The following RAB11FIP5 variants were observed in gnomAD, a reference collection of about 807,000 sequenced individuals.
RAB11FIP5 encodes RAB11 family interacting protein 5, also known as rab11 family-interacting protein 5.
Under a neutral mutation model 85.1 loss-of-function variants are expected in RAB11FIP5, and 48 were observed. The observed-to-expected ratio is 0.56, with a 90% CI of 0.45 to 0.72. The LOEUF (loss-of-function observed/expected upper bound fraction) is 0.72, where lower values mean the gene tolerates loss of function less well. RAB11FIP5 is among the 30% of genes least tolerant of loss of function. RAB11FIP5 has a pLI of 0.00. For missense variants in RAB11FIP5, 1,491 were observed against 1,687.0 expected, an observed-to-expected ratio of 0.88 and a Z score of 2.04; for synonymous variants, 729 against 727.3, an observed-to-expected ratio of 1.00 and a Z score of -0.04.
Position 73,081,766 on chromosome 2 carries a change from C to G in RAB11FIP5, c.1569-103G>C. On this transcript the variant is annotated intron_variant, in intron 3 of 5. Coordinates refer to ENST00000486777, the MANE Select transcript of RAB11FIP5 (RefSeq NM_001371272.1). This position sits in a 1 kb window ranked among gnomAD's most constrained non-coding sequence, Gnocchi z 4.2. The stretch of plus-strand genomic sequence containing the variant: ...CCTGCTTCGGGACCAGGGGCCATAA[C>G]ACACACATAGGCTGGATTTACCTAC... 9.2e-7 allele frequency: 1 copy of G among 1,081,176 alleles called. No individual in the cohort carries two copies. The allele number at this position is 1,081,176 out of a possible 1,614,324, so 67.0% of individuals were successfully genotyped here. A position where few individuals can be genotyped will look rare whatever the true frequency, so the allele number is the denominator to read the frequency against.
chr2:73,112,752 G>C lies in RAB11FIP5; in HGVS notation c.26C>G (p.Pro9Arg). The change falls in exon 1 of 6, where the codon CCG becomes CGG. Residue 9 changes from proline to arginine, a missense_variant. Pro to Arg is a moderately radical substitution (Grantham distance 103, BLOSUM62 -2). Transcript: ENST00000486777. ...CAGCCAGCGGGAAGGCCCCGCCGCC[G>C]GCTCCGCGCCCCGCACCAGGGCCAT... MALVRGAE[P>R]AAGPSRWLPT... is the part of the protein sequence containing the mutation. The C allele has an allele frequency of 6.8e-7, 1 of 1,474,070 alleles. No homozygotes were observed. The highest frequency in any genetic ancestry group is 9.0e-7 in the Non-Finnish European group (1 of 1,117,256). The allele number at this position is 1,474,070 out of a possible 1,614,324, so 91.3% of individuals were successfully genotyped here.
chr2:73,110,112 A>G (rs1459806906), intron 1 of RAB11FIP5, among the ~76,000 whole-genome samples: 6 of 152,194 alleles, frequency 3.9e-5, no homozygotes, highest in Non-Finnish European at 7.3e-5. Context: ...TTCCCCAGTC[A>G]GGTCCTCTCT....
chr2:73,107,057 C>T (rs1037443855), intron 1 of RAB11FIP5, among the ~76,000 whole-genome samples: 1 of 152,230 alleles, frequency 6.6e-6, no homozygotes, highest in African/African-American at 2.4e-5. Context: ...CCATTGTTCC[C>T]AAGGTAGAAA....
rs1484042514 is a variant in RAB11FIP5 at position 73,086,251 on chromosome 2, G to T, written c.1568+1799C>A. The stretch of plus-strand genomic sequence containing the variant: ...CCTGCAAATAGGCCCCATCTTGGGA[G>T]GGATGCTGAGTGCCCTCCATCCTGC... On this transcript the variant is annotated intron_variant, in intron 3 of 5. Transcript: ENST00000486777. This position sits in a 1 kb window ranked among gnomAD's most constrained non-coding sequence, Gnocchi z 4.4. 6.6e-6 allele frequency among the ~76,000 whole-genome samples: 1 copy of T among 152,214 alleles called. No homozygotes were observed. The highest frequency in any genetic ancestry group is 1.5e-5 in the Non-Finnish European group (1 of 68,026).
rs375837949 is a variant in RAB11FIP5 at position 73,075,656 on chromosome 2, G to A, written c.3840C>T (p.Leu1280=). 2.0e-5 allele frequency: 32 copies of A among 1,613,732 alleles called. No homozygotes were observed. The highest frequency in any genetic ancestry group is 2.6e-5 in the Non-Finnish European group (31 of 1,179,922). ...GGCTCAGCTCCCGCTCCCGCTGCAG[G>A]AGCAGGCTGATGAGCTCATCGTGGG... ...HLTHDELISL[L]LQRERELSQR... is the part of the protein sequence containing the mutation. Residue 1280 remains leucine (L), a synonymous_variant, in exon 6 of 6, where the codon CTC becomes CTT. Transcript: ENST00000486777. This position sits in a 1 kb window ranked among gnomAD's most constrained non-coding sequence, Gnocchi z 4.6.
At position 73,075,840 on chromosome 2, in the gene RAB11FIP5, C is replaced by A; in HGVS notation, c.3772-116G>T. 1 of 1,457,302 alleles carries A rather than the reference C, an allele frequency of 6.9e-7. No homozygotes were observed. Among genetic ancestry groups the A allele is most frequent in the Non-Finnish European group, 9.3e-7 (1 of 1,070,316 alleles). 90.3% of individuals were successfully genotyped at this position (1,457,302 alleles called of 1,614,324 possible). A position where few individuals can be genotyped will look rare whatever the true frequency, so the allele number is the denominator to read the frequency against. ...CCTAAGTTTCACCACCACAGGGCCC[C>A]AGGCTGCCTGTCTCCAAAGTCAGAG... On this transcript the variant is annotated intron_variant, in intron 5 of 5. Transcript: ENST00000486777. This position sits in a 1 kb window ranked among gnomAD's most constrained non-coding sequence, Gnocchi z 4.6.
chr2:73,088,743 T>C lies in RAB11FIP5; in HGVS notation c.875A>G (p.Asp292Gly). The C allele has an allele frequency of 6.3e-7, 1 of 1,587,676 alleles. No individual in the cohort carries two copies. Among genetic ancestry groups the C allele is most frequent in the Non-Finnish European group, 8.6e-7 (1 of 1,168,264 alleles). ...SSWLSTEGGR[D>G]SAQSPKLFTH... ...GAACAGCTTGGGGGACTGTGCAGAG[T>C]CCCTGCCTGCAGGGGAAACACACAG... Residue 292 changes from aspartate to glycine, a missense_variant, in exon 3 of 6, where the codon GAC (aspartate) becomes GGC (glycine). By Grantham distance (94) the Asp-to-Gly change is moderately conservative. Transcript: ENST00000486777.
At chr2:73,087,899 T>C in intron 3 of RAB11FIP5, 151 bp downstream of exon 3, 1 of 744,538 alleles carries the variant, frequency 1.3e-6, no homozygotes, top group Admixed American at 2.9e-5. Flanking sequence ...AACCTTGGCT[T>C]AGGGAGACAC....
chr2:73,109,499 G>A (rs1186195154), intron 1 of RAB11FIP5, among the ~76,000 whole-genome samples: 1 of 152,184 alleles, frequency 6.6e-6, no homozygotes, highest in Admixed American at 6.5e-5. Flanking sequence ...CCTGTCTGCT[G>A]GTAAGTCACA....
chr2:73,109,847 C>T (rs1332294609), intron 1 of RAB11FIP5, among the ~76,000 whole-genome samples: 3 of 152,244 alleles, frequency 2.0e-5, no homozygotes, highest in Admixed American at 6.5e-5. Context: ...CTCTTCCAGA[C>T]ATTGTTACTA....
Position 73,080,365 on chromosome 2 carries a change from C to T in RAB11FIP5, c.2867G>A (p.Arg956His), listed in dbSNP as rs905133531. 1.1e-5 allele frequency: 13 copies of T among 1,232,768 alleles called. No homozygotes were observed. In the African/African-American group the frequency reaches 1.1e-4, roughly 10 times the overall value. The allele number at this position is 1,232,768 out of a possible 1,614,324, so 76.4% of individuals were successfully genotyped here. A position where few individuals can be genotyped will look rare whatever the true frequency, so the allele number is the denominator to read the frequency against. The part of the protein sequence containing the change: ...PPETKEEGEK[R>H]ESEESDSCSS... ...GCAGCTGTCAGACTCCTCCGACTCA[C>T]GCTTCTCTCCCTCCTCCTTGGTCTC... The change falls in exon 4 of 6, where the codon CGT becomes CAT. Residue 956 changes from arginine (R) to histidine (H), a missense_variant. Transcript: ENST00000486777.
chr2:73,101,029 G>C (rs887797735), intron 1 of RAB11FIP5, among the ~76,000 whole-genome samples: 5 of 143,304 alleles, frequency 3.5e-5, no homozygotes, highest in Non-Finnish European at 7.7e-5. Flanking sequence ...TGGGAGAAAG[G>C]TTGGTGGTGG....
chr2:73,076,265 C>A (rs1683860441), intron 4 of RAB11FIP5, 83 bp from the exon 5 acceptor site: 1 of 1,313,226 alleles, frequency 7.6e-7, no homozygotes, highest in East Asian at 2.3e-5. Flanking sequence ...TGTGGAGCCT[C>A]CAGGTCTGCT....
chr2:73,083,729 A>G (rs1462982473), intron 3 of RAB11FIP5, among the ~76,000 whole-genome samples: 1 of 152,156 alleles, frequency 6.6e-6, no homozygotes, highest in African/African-American at 2.4e-5. Context: ...GGGAGTGAGA[A>G]GCAACATACA....
In RAB11FIP5 at chr2:73,075,386, G is replaced by A. The variant is rs1488337220; in HGVS notation, c.*135C>T. The A allele has an allele frequency of 1.1e-6, 1 of 927,808 alleles. No individual in the cohort carries two copies. The highest frequency in any genetic ancestry group is 1.6e-5 in the African/African-American group (1 of 62,150). The allele number at this position is 927,808 out of a possible 1,614,324, so 57.5% of individuals were successfully genotyped here. ...GGGCCCCCTTCCAGCAGCCCCAGTT[G>A]AGGCAGGAGGGAGAGGAGCAAGGAG... is the stretch of plus-strand genomic sequence containing the variant. On this transcript the variant is annotated 3_prime_UTR_variant, in exon 6 of 6. Coordinates refer to ENST00000486777, the MANE Select transcript of RAB11FIP5 (RefSeq NM_001371272.1). This position sits in a 1 kb window ranked among gnomAD's most constrained non-coding sequence, Gnocchi z 4.6.
chr2:73,075,271 G>T lies in RAB11FIP5; in HGVS notation c.*250C>A. The T allele has an allele frequency of 1.4e-6, 1 of 697,806 alleles. No individual in the cohort carries two copies. The highest frequency in any genetic ancestry group is 2.6e-6 in the Non-Finnish European group (1 of 382,422). 43.2% of individuals were successfully genotyped at this position (697,806 alleles called of 1,614,324 possible). A position where few individuals can be genotyped will look rare whatever the true frequency, so the allele number is the denominator to read the frequency against. The stretch of plus-strand genomic sequence containing the variant: ...TTCCCTGGGGCCCCCAAAGCTGAGG[G>T]ATATGAAAACAGGCAGGTGGGAAAG... On this transcript the variant is annotated 3_prime_UTR_variant, in exon 6 of 6. Transcript: ENST00000486777. The surrounding 1 kb of genome is among the most constrained non-coding windows in gnomAD (Gnocchi z 4.6).
chr2:73,099,237 A>T (rs1472327830), intron 1 of RAB11FIP5, among the ~76,000 whole-genome samples: 3 of 151,590 alleles, frequency 2.0e-5, no homozygotes, highest in Non-Finnish European at 2.9e-5. Context: ...TTTAGTAGAG[A>T]CGTGGTTTCA....
At position 73,075,100 on chromosome 2, in the gene RAB11FIP5, A is replaced by C; in HGVS notation, c.*421T>G. On this transcript the variant is annotated 3_prime_UTR_variant, in exon 6 of 6. Transcript: ENST00000486777. The surrounding 1 kb of genome is among the most constrained non-coding windows in gnomAD (Gnocchi z 4.6). Reference sequence around the variant, plus strand: ...AAGCCCCTCCAGGGACTGGAGGGAAATGAAGGGGATGGGGCTTTGGCTGTG... The same window carrying C: ...AAGCCCCTCCAGGGACTGGAGGGAACTGAAGGGGATGGGGCTTTGGCTGTG... 1 of 384,070 alleles carries C rather than the reference A, an allele frequency of 2.6e-6. No individual in the cohort carries two copies. The highest frequency in any genetic ancestry group is 5.1e-6 in the Non-Finnish European group (1 of 195,048). The allele number at this position is 384,070 out of a possible 1,614,324, so 23.8% of individuals were successfully genotyped here. A position where few individuals can be genotyped will look rare whatever the true frequency, so the allele number is the denominator to read the frequency against.
rs191730293 is a variant in RAB11FIP5, at chr2:73,090,604, G to A, written c.432-1289C>T. Among the ~76,000 whole-genome samples the A allele has an allele frequency of 1.4e-4, 21 of 152,296 alleles. No homozygotes were observed. In the East Asian group the frequency reaches 3.5e-3, roughly 25 times the overall value. On this transcript the variant is annotated intron_variant, in intron 1 of 5. Coordinates refer to ENST00000486777, the MANE Select transcript of RAB11FIP5 (RefSeq NM_001371272.1). ...AGGCTATCAAGCCATGAACAGACAC[G>A]GATGGATCTTACATACATAAGTGAA...
Sources: gnomAD v4.1 joint callset for allele counts (sites outside exome capture counted in the v4.1 genomes callset) on GRCh38, gnomAD v4.1.1 for gene constraint, Gnocchi (gnomAD v3.1) non-coding constraint, MANE v1.5 for transcripts, NCBI Gene and HGNC (gene_info 2026-07-23, HGNC 2026-07-21) for gene names.